The following SKIDA1 variants were observed in gnomAD, a reference collection of about 807,000 sequenced individuals.
The protein encoded by SKIDA1 is SKI/DACH domain containing 1.
Under a neutral mutation model 51.4 loss-of-function variants are expected in SKIDA1, and 18 were observed. That is an observed-to-expected ratio of 0.35 (90% confidence interval 0.24 to 0.52). The LOEUF (loss-of-function observed/expected upper bound fraction) is 0.52. Among genes scored for constraint, SKIDA1 ranks in the 20% least tolerant of loss-of-function variants. SKIDA1 has a pLI of 0.95. For synonymous variants in SKIDA1, 579 were observed against 500.5 expected (o/e 1.16, Z -2.09); for missense variants, 1,104 against 1,180.6 (o/e 0.94, Z 0.95).
At position 21,518,978 on chromosome 10, in the gene SKIDA1, G is replaced by A. The variant is rs1344213313; in HGVS notation, c.-1156C>T. ...TTCAACTGGATTTCGGTTCTCTGCT[G>A]GGGGGTGGGGTGGGGAGGAGGTAGT... On this transcript the variant is annotated 5_prime_UTR_variant, in exon 4 of 4. An upstream open reading frame in the 5' UTR gains an earlier in-frame stop. Transcript: ENST00000449193. The A allele has an allele frequency of 1.2e-5, 2 of 166,796 alleles. No individual in the cohort carries two copies. The highest frequency in any genetic ancestry group is 4.8e-5 in the African/African-American group (2 of 41,302). The allele number at this position is 166,796 out of a possible 1,614,324, so 10.3% of individuals were successfully genotyped here.
At chr10:21,523,244 G>C (rs1325836869) in intron 2 of SKIDA1, among the ~76,000 whole-genome samples, 1 of 152,198 alleles carries the variant, frequency 6.6e-6, no homozygotes, top group Non-Finnish European at 1.5e-5. Context: ...AGAAAGGAGT[G>C]AGACTTGATC....
chr10:21,517,130 G>C lies in SKIDA1; in HGVS notation c.693C>G (p.Ala231=). The change falls in exon 4 of 4, where the codon GCC becomes GCG. Residue 231 remains alanine, a synonymous_variant. Coordinates refer to ENST00000449193, the MANE Select transcript of SKIDA1 (RefSeq NM_207371.4). The surrounding 1 kb of genome is among the most constrained non-coding windows in gnomAD (Gnocchi z 6.9). ...KHPAAAAAAA[A]AAAAAAAAAA... ...CGGCGGCGGCGGCGGCAGCAGCGGC[G>C]GCGGCGGCGGCGGCGGCGGCTGCCG... 1 of 1,098,598 alleles carries C rather than the reference G, an allele frequency of 9.1e-7. No homozygotes were observed. Among genetic ancestry groups the C allele is most frequent in the Non-Finnish European group, 1.1e-6 (1 of 895,040 alleles). 68.1% of individuals were successfully genotyped at this position (1,098,598 alleles called of 1,614,324 possible).
chr10:21,524,923 G>A (rs948852241), intron 1 of SKIDA1: 2 of 152,198 alleles, frequency 1.3e-5, no homozygotes, highest in Admixed American at 6.5e-5. Flanking sequence ...ACCTTAAGTA[G>A]TGGTTGCTGG....
In SKIDA1 at chr10:21,516,236, T is replaced by C. The variant is rs372042825; in HGVS notation, c.1587A>G (p.Ala529=). The change falls in exon 4 of 4, where the codon GCA becomes GCG. Residue 529 remains alanine (A), a synonymous_variant. Transcript: ENST00000449193. The surrounding 1 kb of genome is among the most constrained non-coding windows in gnomAD (Gnocchi z 5.7). The part of the protein sequence containing the change: ...EWNLQSWAPK[A]SPVYCPASLG... ...GGCTGGCCGGGCAGTACACCGGAGA[T>C]GCTTTGGGGGCCCAGCTCTGCAGAT... is the stretch of plus-strand genomic sequence containing the variant. 1.7e-4 allele frequency: 281 copies of C among 1,614,050 alleles called. No individual in the cohort carries two copies. In the African/African-American group the frequency reaches 3.2e-3, roughly 18 times the overall value.
Position 21,515,297 on chromosome 10 carries a change from C to A in SKIDA1, c.2526G>T (p.Arg842Ser). Residue 842 changes from arginine (R) to serine (S), a missense_variant, in exon 4 of 4, where the codon AGG (arginine) becomes AGT (serine). Coordinates refer to ENST00000449193, the MANE Select transcript of SKIDA1 (RefSeq NM_207371.4). ...GAAAATTTGCCATGAAATGAAATGGCCTTTTCACTGCTGATGCTACATTGC... is the reference window on the plus strand; with the variant it reads ...GAAAATTTGCCATGAAATGAAATGGACTTTTCACTGCTGATGCTACATTGC... Reference protein sequence around the residue: ...VASNVASAVKRPFHFMANFPC... With the variant: ...VASNVASAVKSPFHFMANFPC... The A allele has an allele frequency of 6.2e-7, 1 of 1,613,960 alleles. No individual in the cohort carries two copies. The highest frequency in any genetic ancestry group is 8.5e-7 in the Non-Finnish European group (1 of 1,179,890).
rs1293660357 is a variant in SKIDA1, at chr10:21,517,114, C to T, written c.709G>A (p.Ala237Thr). The change falls in exon 4 of 4, where the codon GCC becomes ACC. Residue 237 changes from alanine (A) to threonine (T), a missense_variant. Around this residue, in one of 3 missense-constraint regions of SKIDA1, gnomAD observed 938 missense variants for 886.4 expected, o/e 1.06. Transcript: ENST00000449193. The surrounding 1 kb of genome is among the most constrained non-coding windows in gnomAD (Gnocchi z 6.9). ...TAGGCGGCGGCGGCGGCGGCGGCGG[C>T]GGCGGCAGCAGCGGCGGCGGCGGCG... is the stretch of plus-strand genomic sequence containing the variant. ...AAAAAAAAAA[A>T]AAAAAAAYYQ... 3 of 1,068,318 alleles carry T rather than the reference C, an allele frequency of 2.8e-6. No homozygotes were observed. The highest frequency in any genetic ancestry group is 1.8e-5 in the African/African-American group (1 of 55,494). The allele number at this position is 1,068,318 out of a possible 1,614,324, so 66.2% of individuals were successfully genotyped here. A position where few individuals can be genotyped will look rare whatever the true frequency, so the allele number is the denominator to read the frequency against.
At position 21,517,321 on chromosome 10, in the gene SKIDA1, GGGCGGCGGGGCGCGC is replaced by G; in HGVS notation, c.487_501del (p.Ala163_Ala167del). On this transcript the variant is annotated inframe_deletion, in exon 4 of 4. Transcript: ENST00000449193. This position sits in a 1 kb window ranked among gnomAD's most constrained non-coding sequence, Gnocchi z 6.9. ...TATTTGCTAAAAATCTGAGGTAGAT[GGGCGGCGGGGCGCGC>G]GGCGGCGGCGCCCGGGCGCTGGGAC... is the stretch of plus-strand genomic sequence containing the variant. 1 of 1,433,716 alleles carries G rather than the reference GGGCGGCGGGGCGCGC, an allele frequency of 7.0e-7. No individual in the cohort carries two copies. Among genetic ancestry groups the G allele is most frequent in the South Asian group, 1.4e-5 (1 of 69,334 alleles). 88.8% of individuals were successfully genotyped at this position (1,433,716 alleles called of 1,614,324 possible).
chr10:21,514,806 A>C lies in SKIDA1; in HGVS notation c.*290T>G. On this transcript the variant is annotated 3_prime_UTR_variant, in exon 4 of 4. Transcript: ENST00000449193. ...CCGGGTGCATTATTAGCATCGAAAC[A>C]GTAAAGTGTTCCAGCTCTACCGTAA... The C allele has an allele frequency of 3.6e-6, 1 of 275,434 alleles. No individual in the cohort carries two copies. Among genetic ancestry groups the C allele is most frequent in the Non-Finnish European group, 6.8e-6 (1 of 147,566 alleles). 17.1% of individuals were successfully genotyped at this position (275,434 alleles called of 1,614,324 possible).
Position 21,516,834 on chromosome 10 carries a change from T to C in SKIDA1, c.989A>G (p.Asn330Ser), listed in dbSNP as rs1231268612. ...ATCLERFHLV[N>S]GFCPPPHHHH... is the part of the protein sequence containing the mutation. Reference sequence around the variant, plus strand: ...GTGGTGCGGAGGCGGGCAGAAGCCGTTGACCAGATGAAACCTCTCCAGGCA... The same window carrying C: ...GTGGTGCGGAGGCGGGCAGAAGCCGCTGACCAGATGAAACCTCTCCAGGCA... The change falls in exon 4 of 4, where the codon AAC becomes AGC. Residue 330 changes from asparagine (N) to serine (S), a missense_variant. Transcript: ENST00000449193. The surrounding 1 kb of genome is among the most constrained non-coding windows in gnomAD (Gnocchi z 5.7). 3.2e-6 allele frequency: 5 copies of C among 1,541,552 alleles called. No individual in the cohort carries two copies. Among genetic ancestry groups the C allele is most frequent in the Admixed American group, 2.0e-5 (1 of 50,750 alleles).
Position 21,515,752 on chromosome 10 carries a change from C to G in SKIDA1, c.2071G>C (p.Asp691His). ...FLHNIKIKVE[D>H]SSANEEYEPH... ...TCATATTCTTCATTAGCACTACTGT[C>G]TTCTACTTTGATTTTAATATTGTGC... The change falls in exon 4 of 4, where the codon GAC becomes CAC. Residue 691 changes from aspartate (D) to histidine (H), a missense_variant. This residue lies in a region of SKIDA1 where 938 missense variants were observed against 886.4 expected (regional missense o/e 1.06). Transcript: ENST00000449193. The G allele has an allele frequency of 6.2e-7, 1 of 1,614,006 alleles. No individual in the cohort carries two copies. Among genetic ancestry groups the G allele is most frequent in the South Asian group, 1.1e-5 (1 of 91,078 alleles).
Position 21,517,608 on chromosome 10 carries a change from C to A in SKIDA1, c.215G>T (p.Ser72Ile), listed in dbSNP as rs1375930337. ...GCATTTGGCGGCGTGGAAGGCGATGCTGTTAATTGCCTTGAGTTTCCGCAA... is the reference window on the plus strand; with the variant it reads ...GCATTTGGCGGCGTGGAAGGCGATGATGTTAATTGCCTTGAGTTTCCGCAA... ...EELRKLKAIN[S>I]IAFHAAKCTL... Residue 72 changes from serine to isoleucine, a missense_variant, in exon 4 of 4, where the codon AGC becomes ATC. Physicochemically the swap from Ser to Ile is moderately radical, Grantham distance 142. Around this residue, in one of 3 missense-constraint regions of SKIDA1, gnomAD observed 54 missense variants for 126.0 expected, o/e 0.43. Coordinates refer to ENST00000449193, the MANE Select transcript of SKIDA1 (RefSeq NM_207371.4). The surrounding 1 kb of genome is among the most constrained non-coding windows in gnomAD (Gnocchi z 6.9). 1 of 1,613,906 alleles carries A rather than the reference C, an allele frequency of 6.2e-7. No homozygotes were observed. The highest frequency in any genetic ancestry group is 2.2e-5 in the East Asian group (1 of 44,878).
At chr10:21,520,414 TGTC>T (rs1273736320) in intron 3 of SKIDA1, among the ~76,000 whole-genome samples, 1 of 152,088 alleles carries the variant, frequency 6.6e-6, no homozygotes, top group East Asian at 1.9e-4. Context: ...GCAACAATAA[TGTC>T]GTTTTAAAAT....
At position 21,515,437 on chromosome 10, in the gene SKIDA1, G is replaced by C; in HGVS notation, c.2386C>G (p.Pro796Ala). 1 of 1,614,028 alleles carries C rather than the reference G, an allele frequency of 6.2e-7. No homozygotes were observed. Among genetic ancestry groups the C allele is most frequent in the Non-Finnish European group, 8.5e-7 (1 of 1,179,894 alleles). ...GCTGATTTCAAATTTGGTTTGACTG[G>C]AGGTGTCTGAAGGACAGGTCGCTTT... Reference protein sequence around the residue: ...LGKRPVLQTPPVKPNLKSARS... With the variant: ...LGKRPVLQTPAVKPNLKSARS... The change falls in exon 4 of 4, where the codon CCA becomes GCA. Residue 796 changes from proline to alanine, a missense_variant. Pro to Ala is a conservative substitution (Grantham distance 27). Transcript: ENST00000449193.
rs1045925601 is a variant in SKIDA1, at chr10:21,517,359, G to C, written c.464C>G (p.Ser155Cys). 5 of 1,414,224 alleles carry C rather than the reference G, an allele frequency of 3.5e-6. No homozygotes were observed. The highest frequency in any genetic ancestry group is 1.5e-5 in the African/African-American group (1 of 65,712). 87.6% of individuals were successfully genotyped at this position (1,414,224 alleles called of 1,614,324 possible). A position where few individuals can be genotyped will look rare whatever the true frequency, so the allele number is the denominator to read the frequency against. ...AARPLPISAQ[S>C]QRPGAAAARP... Reference sequence around the variant, plus strand: ...CGCGGCGGCGGCGCCCGGGCGCTGGGACTGCGCGCTGATTGGCAGGGGCCG... The same window carrying C: ...CGCGGCGGCGGCGCCCGGGCGCTGGCACTGCGCGCTGATTGGCAGGGGCCG... Residue 155 changes from serine (S) to cysteine (C), a missense_variant, in exon 4 of 4, where the codon TCC (serine) becomes TGC (cysteine). Physicochemically the swap from Ser to Cys is moderately radical, Grantham distance 112. This residue lies in a region of SKIDA1 where 938 missense variants were observed against 886.4 expected (regional missense o/e 1.06). Coordinates refer to ENST00000449193, the MANE Select transcript of SKIDA1 (RefSeq NM_207371.4). The surrounding 1 kb of genome is among the most constrained non-coding windows in gnomAD (Gnocchi z 6.9).
At position 21,518,685 on chromosome 10, in the gene SKIDA1, A is replaced by G. The variant is rs2032311703; in HGVS notation, c.-863T>C. 6.0e-6 allele frequency: 1 copy of G among 166,650 alleles called. No individual in the cohort carries two copies. Among genetic ancestry groups the G allele is most frequent in the South Asian group, 2.1e-4 (1 of 4,818 alleles). 10.3% of individuals were successfully genotyped at this position (166,650 alleles called of 1,614,324 possible). A position where few individuals can be genotyped will look rare whatever the true frequency, so the allele number is the denominator to read the frequency against. On this transcript the variant is annotated 5_prime_UTR_variant, in exon 4 of 4. Transcript: ENST00000449193. ...TATCAAGCCGAAAGAGAGATACCCCACCCCCTTTTCCTTTTGGAAAATGGA... is the reference window on the plus strand; with the variant it reads ...TATCAAGCCGAAAGAGAGATACCCCGCCCCCTTTTCCTTTTGGAAAATGGA...
intron 2 of SKIDA1, among the ~76,000 whole-genome samples, chr10:21,523,270 A>C (rs2032480863): frequency 6.6e-6 from 1 of 152,236 alleles, no homozygotes; most frequent in African/African-American, 2.4e-5. Context: ...CTGTGGGCAC[A>C]TTCCCTTATC....
At position 21,516,530 on chromosome 10, in the gene SKIDA1, G is replaced by A; in HGVS notation, c.1293C>T (p.Ser431=). ...TGACTTCACTGGAATCCGAGGCCCC[G>A]CTGCCCCCCTCCTCCTCCTCTTCCT... ...EEEEEEEEGG[S]GASDSSEVSS... Residue 431 remains serine, a synonymous_variant, in exon 4 of 4, where the codon AGC becomes AGT. Transcript: ENST00000449193. This position sits in a 1 kb window ranked among gnomAD's most constrained non-coding sequence, Gnocchi z 5.7. 5.4e-6 allele frequency: 8 copies of A among 1,495,026 alleles called. No individual in the cohort carries two copies. Among genetic ancestry groups the A allele is most frequent in the East Asian group, 2.4e-5 (1 of 41,834 alleles). 92.6% of individuals were successfully genotyped at this position (1,495,026 alleles called of 1,614,324 possible). A position where few individuals can be genotyped will look rare whatever the true frequency, so the allele number is the denominator to read the frequency against.
rs1194499273 is a variant in SKIDA1 at position 21,516,593 on chromosome 10, G to C, written c.1230C>G (p.Ser410=). The C allele has an allele frequency of 6.4e-7, 1 of 1,551,752 alleles. No individual in the cohort carries two copies. Among genetic ancestry groups the C allele is most frequent in the South Asian group, 1.2e-5 (1 of 84,064 alleles). The change falls in exon 4 of 4, where the codon TCC becomes TCG. Residue 410 remains serine (S), a synonymous_variant. Coordinates refer to ENST00000449193, the MANE Select transcript of SKIDA1 (RefSeq NM_207371.4). The surrounding 1 kb of genome is among the most constrained non-coding windows in gnomAD (Gnocchi z 5.7). Reference sequence around the variant, plus strand: ...CTCCCTCCTCCTCCTCTTCCTCTGAGGACACAGAATTGCTGGAGCTGGACA... The same window carrying C: ...CTCCCTCCTCCTCCTCTTCCTCTGACGACACAGAATTGCTGGAGCTGGACA... ...SSLSSSSNSV[S]SEEEEEEGEE...
intron 2 of SKIDA1, among the ~76,000 whole-genome samples, chr10:21,522,515 T>C (rs1184998512): frequency 6.6e-6 from 1 of 152,168 alleles, no homozygotes; most frequent in African/African-American, 2.4e-5. Context: ...GCTGAATTAG[T>C]TGAGGATATA....
Sources: gnomAD v4.1 joint callset for allele counts (sites outside exome capture counted in the v4.1 genomes callset) on GRCh38, gnomAD v4.1.1 for gene constraint, gnomAD v4.1.1 regional missense constraint, Gnocchi (gnomAD v3.1) non-coding constraint, MANE v1.5 for transcripts, NCBI Gene and HGNC (gene_info 2026-07-23, HGNC 2026-07-21) for gene names.